Variants in PDSS2 observed in about 807,000 individuals in gnomAD.
The protein encoded by PDSS2 is decaprenyl diphosphate synthase subunit 2.
In PDSS2, 31 loss-of-function variants were observed where a neutral mutation model predicts 44.5. The observed-to-expected ratio is 0.70, with a 90% CI of 0.52 to 0.94. The LOEUF (loss-of-function observed/expected upper bound fraction) is 0.94. Ranked by LOEUF, PDSS2 falls within the 40% of genes least tolerant of loss-of-function variation. The pLI is 0.00. For synonymous variants in PDSS2, 157 were observed against 180.3 expected (o/e 0.87, Z 1.03); for missense variants, 452 against 482.2 (o/e 0.94, Z 0.59).
At chr6:107,360,733 G>A (rs1196843939) in intron 1 of PDSS2, among the ~76,000 whole-genome samples, 7 of 152,332 alleles carry the variant, frequency 4.6e-5, no homozygotes, top group Admixed American at 3.9e-4. Flanking sequence ...TGAAAGAAGA[G>A]AGCGGTCTGT....
intron 1 of PDSS2, among the ~76,000 whole-genome samples, chr6:107,436,308 A>G (rs1219414306): frequency 1.3e-5 from 2 of 152,220 alleles, no homozygotes; most frequent in East Asian, 3.8e-4. Context: ...ATACAGTAGT[A>G]ATGAGCAACA....
intron 1 of PDSS2, among the ~76,000 whole-genome samples, chr6:107,454,458 A>C (rs1562552626): frequency 6.6e-6 from 1 of 152,220 alleles, no homozygotes; most frequent in African/African-American, 2.4e-5. Context: ...CAAGAGTAAC[A>C]ATGAGCTAAA....
chr6:107,432,671 T>C (rs1781228163), intron 1 of PDSS2, among the ~76,000 whole-genome samples: 1 of 152,056 alleles, frequency 6.6e-6, no homozygotes, highest in African/African-American at 2.4e-5. Context: ...GGCATGACAA[T>C]CGCTTGAACC....
chr6:107,336,042 G>C (rs1323382229), intron 1 of PDSS2, among the ~76,000 whole-genome samples: 1 of 151,068 alleles, frequency 6.6e-6, no homozygotes, highest in African/African-American at 2.4e-5. Context: ...ATCACCTGAG[G>C]TCAGGGGTTC....
At chr6:107,407,703 GTCTC>G (rs1419351397) in intron 1 of PDSS2, among the ~76,000 whole-genome samples, 3 of 152,078 alleles carry the variant, frequency 2.0e-5, no homozygotes, top group Non-Finnish European at 4.4e-5. Flanking sequence ...TTACTAGCAG[GTCTC>G]TCTCTTTTTT....
chr6:107,272,013 C>G (rs1021115917), intron 3 of PDSS2, among the ~76,000 whole-genome samples: 1 of 150,898 alleles, frequency 6.6e-6, no homozygotes, highest in South Asian at 2.1e-4. Flanking sequence ...GCAGTGATCA[C>G]GCCACTGCAC....
At chr6:107,181,657 A>T (rs749651478) in intron 7 of PDSS2, among the ~76,000 whole-genome samples, 2 of 151,846 alleles carry the variant, frequency 1.3e-5, no homozygotes, top group African/African-American at 2.4e-5. Context: ...TGGGAGGCTG[A>T]GGCCGGTGGA....
intron 1 of PDSS2, among the ~76,000 whole-genome samples, chr6:107,374,795 CA>C (rs1338212865): frequency 1.3e-5 from 2 of 152,106 alleles, no homozygotes; most frequent in Admixed American, 1.3e-4. Flanking sequence ...TTCTGTATCT[CA>C]GGTTCCTGAG....
intron 2 of PDSS2, among the ~76,000 whole-genome samples, chr6:107,317,020 G>C (rs1186624084): frequency 1.3e-5 from 2 of 152,036 alleles, no homozygotes; most frequent in Non-Finnish European, 2.9e-5. Context: ...AAGCAACTAG[G>C]CCCCATGCTG....
At chr6:107,320,924 A>G (rs1166210021) in intron 2 of PDSS2, among the ~76,000 whole-genome samples, 4 of 152,340 alleles carry the variant, frequency 2.6e-5, no homozygotes, top group South Asian at 2.1e-4. Context: ...TGGAAAGAGC[A>G]TGAATTCTAT....
intron 4 of PDSS2, among the ~76,000 whole-genome samples, chr6:107,213,063 G>A (rs935771465): frequency 1.3e-5 from 2 of 151,964 alleles, no homozygotes; most frequent in African/African-American, 2.4e-5. Context: ...AAGCTGGAAC[G>A]TAGTGGCATG....
At chr6:107,176,633 C>T (rs9486549) in intron 7 of PDSS2, among the ~76,000 whole-genome samples, 55,384 of 151,666 alleles carry the variant, frequency 0.37, 10,223 homozygotes, top group African/African-American at 0.4. Context: ...CTGCTAAGTA[C>T]GTTTGTGAGT....
At chr6:107,413,482 G>A (rs1425147481) in intron 1 of PDSS2, among the ~76,000 whole-genome samples, 2 of 152,218 alleles carry the variant, frequency 1.3e-5, no homozygotes, top group Admixed American at 6.5e-5. Context: ...GCTGCAGTGA[G>A]CCATGATTAT....
chr6:107,372,005 GA>G (rs1279960089), intron 1 of PDSS2, among the ~76,000 whole-genome samples: 1 of 152,142 alleles, frequency 6.6e-6, no homozygotes, highest in Non-Finnish European at 1.5e-5. Context: ...TTCAAACCAA[GA>G]AACTAGACTC....
At chr6:107,218,745 C>G (rs918303617) in intron 4 of PDSS2, among the ~76,000 whole-genome samples, 1 of 152,150 alleles carries the variant, frequency 6.6e-6, no homozygotes, top group Admixed American at 6.6e-5. Context: ...CTAACTTGGT[C>G]AGAATAAAGA....
intron 1 of PDSS2, among the ~76,000 whole-genome samples, chr6:107,419,474 A>T (rs1262887516): frequency 6.6e-6 from 1 of 152,232 alleles, no homozygotes; most frequent in East Asian, 1.9e-4. Context: ...AGAGCAGTAC[A>T]CAAGAATTGT....
At chr6:107,458,433 C>A (rs1386626845) in intron 1 of PDSS2, among the ~76,000 whole-genome samples, 763 of 48,156 alleles carry the variant, frequency 0.016, 6 homozygotes, top group Middle Eastern at 0.042. Flanking sequence ...AAAAAAAAAA[C>A]TTTTATAAAT....
intron 2 of PDSS2, among the ~76,000 whole-genome samples, chr6:107,283,043 G>A (rs1453955787): frequency 6.6e-6 from 1 of 151,806 alleles, no homozygotes; most frequent in Non-Finnish European, 1.5e-5. Context: ...GTTTGGCTGG[G>A]TGTGGTGGCT....
rs955100009 is a variant in PDSS2 at position 107,207,054 on chromosome 6, G to A, written c.1008+3385C>T. Among the ~76,000 whole-genome samples, 9 of 151,092 alleles carry A rather than the reference G, an allele frequency of 6.0e-5. No individual in the cohort carries two copies. The South Asian group carries it at 1.3e-3, about 21-fold the overall frequency. On this transcript the variant is annotated intron_variant, in intron 6 of 7. Coordinates refer to ENST00000369037, the MANE Select transcript of PDSS2 (RefSeq NM_020381.4). The stretch of plus-strand genomic sequence containing the variant: ...ATCGCCCAGGCTCGAGTGCAGTGGC[G>A]CGATCTCAGCTGACTGCAACCTCCG...
Sources: gnomAD v4.1 joint callset for allele counts (sites outside exome capture counted in the v4.1 genomes callset) on GRCh38, gnomAD v4.1.1 for gene constraint, MANE v1.5 for transcripts, NCBI Gene and HGNC (gene_info 2026-07-23, HGNC 2026-07-21) for gene names.